TRIO: variants seen among roughly 807,000 people sequenced by gnomAD.
TRIO encodes the protein triple functional domain protein.
In TRIO, 58 loss-of-function variants were observed where a neutral mutation model predicts 351.9. That is an observed-to-expected ratio of 0.16 (90% CI 0.13 to 0.21). The LOEUF is 0.21. Ranked by LOEUF, TRIO falls within the 10% of genes least tolerant of loss-of-function variation. The pLI, the probability that TRIO is intolerant of heterozygous loss-of-function variation, is 1.00. For missense variants in TRIO, 3,201 were observed against 4,027.8 expected (o/e 0.79, Z 5.56); for synonymous variants, 1,758 against 1,595.7 (o/e 1.10, Z -2.42).
In TRIO at chr5:14,295,326, T is replaced by C. The variant is rs890742334; in HGVS notation, c.1177-1746T>C. 3.9e-5 allele frequency among the ~76,000 whole-genome samples: 6 copies of C among 152,228 alleles called. No homozygotes were observed. In the East Asian group the frequency reaches 5.8e-4, roughly 15 times the overall value. The stretch of plus-strand genomic sequence containing the variant: ...TGATAAGCCTGTAGGTGTAGGTACT[T>C]TTAATTTAGGGAATTGCACATTACC... On this transcript the variant is annotated intron_variant, in intron 6 of 56. Coordinates refer to ENST00000344204, the MANE Select transcript of TRIO (RefSeq NM_007118.4).
rs776833342 is a variant in TRIO at position 14,369,533 on chromosome 5, G to A, written c.3216+10G>A. ...GGAGGCATTCCTGAAGGTAGGGGCA[G>A]CGCTGCGGGACAGTGCACCCATCAG... On this transcript the variant is annotated intron_variant, in intron 18 of 56. Transcript: ENST00000344204. 2 of 1,612,082 alleles carry A rather than the reference G, an allele frequency of 1.2e-6. No homozygotes were observed. Among genetic ancestry groups the A allele is most frequent in the African/African-American group, 2.7e-5 (2 of 74,946 alleles).
intron 1 of TRIO, among the ~76,000 whole-genome samples, chr5:14,168,646 G>A (rs1229199335): frequency 6.6e-6 from 1 of 152,138 alleles, no homozygotes; most frequent in Non-Finnish European, 1.5e-5. Flanking sequence ...TCTGAGTTCC[G>A]CCCTTTTTAG....
chr5:14,483,767 C>T (rs1210922349), intron 46 of TRIO, among the ~76,000 whole-genome samples: 1 of 152,180 alleles, frequency 6.6e-6, no homozygotes, highest in African/African-American at 2.4e-5. Flanking sequence ...CCCGCCTGCC[C>T]CTCCAGACTC....
intron 11 of TRIO, among the ~76,000 whole-genome samples, 188 bp downstream of exon 11, chr5:14,336,915 T>A (rs1184195743): frequency 6.6e-6 from 1 of 152,142 alleles, no homozygotes; most frequent in Non-Finnish European, 1.5e-5. Context: ...TTTCCTTGTT[T>A]TGTGAGCGCA....
At chr5:14,479,118 G>A in intron 41 of TRIO, 143 bp from the exon 42 acceptor site, 1 of 691,796 alleles carries the variant, frequency 1.4e-6, no homozygotes, top group Non-Finnish European at 2.6e-6. Context: ...CCTGAATCTG[G>A]AATTTACTCC....
intron 11 of TRIO, among the ~76,000 whole-genome samples, chr5:14,355,220 A>G (rs1165147732): frequency 3.3e-5 from 5 of 152,214 alleles, no homozygotes; most frequent in African/African-American, 1.2e-4. Context: ...TTGATTAAAT[A>G]TTTTGACTCT....
intron 45 of TRIO, among the ~76,000 whole-genome samples, chr5:14,482,129 G>T (rs961170312): frequency 6.6e-6 from 1 of 152,130 alleles, no homozygotes; most frequent in Non-Finnish European, 1.5e-5. Context: ...AGTTAAGGAG[G>T]CAGGAGAAGT....
intron 34 of TRIO, among the ~76,000 whole-genome samples, chr5:14,425,226 C>T (rs919091102): frequency 7.9e-5 from 12 of 152,312 alleles, no homozygotes; most frequent in Middle Eastern, 3.4e-3. Flanking sequence ...CAAAACCCTC[C>T]GCTCTCTCCT....
intron 1 of TRIO, among the ~76,000 whole-genome samples, chr5:14,252,118 A>G (rs1794780809): frequency 6.6e-6 from 1 of 152,150 alleles, no homozygotes; most frequent in Admixed American, 6.5e-5. Flanking sequence ...ACTCCTGGCA[A>G]TTTTGTGCCT....
At chr5:14,214,370 G>A (rs189917410) in intron 1 of TRIO, among the ~76,000 whole-genome samples, 1 of 152,234 alleles carries the variant, frequency 6.6e-6, no homozygotes, top group East Asian at 1.9e-4. Context: ...GAGAACCGAG[G>A]CTGTTTGTCC....
In TRIO at chr5:14,497,891, T is replaced by C. The variant is rs80292429; in HGVS notation, c.8047+17T>C. 2,686 of 1,614,240 alleles carry C rather than the reference T, an allele frequency of 1.7e-3. 30 individuals are homozygous for C. The African/African-American group carries it at 0.031, about 18-fold the overall frequency. ...TTTATGACGGTGAGTTCTGTTCTTT[T>C]TCTTCTAGTCCTAGAGATGATTCTA... On this transcript the variant is annotated intron_variant, in intron 51 of 56. Coordinates refer to ENST00000344204, the MANE Select transcript of TRIO (RefSeq NM_007118.4). This position sits in a 1 kb window ranked among gnomAD's most constrained non-coding sequence, Gnocchi z 4.4.
intron 9 of TRIO, among the ~76,000 whole-genome samples, chr5:14,317,598 T>C (rs1739482364): frequency 1.3e-5 from 2 of 152,208 alleles, no homozygotes; most frequent in Admixed American, 1.3e-4. Context: ...GCTGGGAATT[T>C]GGAGAGTCGC....
In TRIO at chr5:14,184,776, C is replaced by T. The variant is rs140298777; in HGVS notation, c.157+40894C>T. Among the ~76,000 whole-genome samples the T allele has an allele frequency of 4.2e-4, 64 of 152,258 alleles. No homozygotes were observed. The East Asian group carries it at 0.01, about 25-fold the overall frequency. On this transcript the variant is annotated intron_variant, in intron 1 of 56. Coordinates refer to ENST00000344204, the MANE Select transcript of TRIO (RefSeq NM_007118.4). ...ATGAAGTTAGGTTAGTGGGTGTGAG[C>T]GTGGACGCCTCTTGGGTCCAGTGCG...
chr5:14,438,615 C>T lies in TRIO; in HGVS notation c.5203+18594C>T, dbSNP rs181021734. Among the ~76,000 whole-genome samples the T allele has an allele frequency of 4.6e-5, 7 of 152,338 alleles. No individual in the cohort carries two copies. The East Asian group carries it at 1.2e-3, about 25-fold the overall frequency. On this transcript the variant is annotated intron_variant, in intron 34 of 56. Transcript: ENST00000344204. ...ACCCCTGTGTCGTCTTCTCCTGAAC[C>T]GAGTCTGTTCAGATTCTCAGACCAG...
At chr5:14,394,370 C>G (rs1747378020) in intron 28 of TRIO, among the ~76,000 whole-genome samples, 1 of 152,170 alleles carries the variant, frequency 6.6e-6, no homozygotes. Flanking sequence ...AATGAGAAAT[C>G]ATCAGTTCTT....
chr5:14,258,959 T>C (rs1219516008), intron 1 of TRIO, among the ~76,000 whole-genome samples: 1 of 152,232 alleles, frequency 6.6e-6, no homozygotes, highest in Non-Finnish European at 1.5e-5. Context: ...TCTGAGCCTG[T>C]GCTGCCTTCG....
chr5:14,507,973 A>G lies in TRIO; in HGVS notation c.8845A>G (p.Ile2949Val). 2 of 1,614,190 alleles carry G rather than the reference A, an allele frequency of 1.2e-6. No individual in the cohort carries two copies. Among genetic ancestry groups the G allele is most frequent in the South Asian group, 1.1e-5 (1 of 91,074 alleles). The change falls in exon 57 of 57, where the codon ATC (isoleucine) becomes GTC (valine). Residue 2949 changes from isoleucine (I) to valine (V), a missense_variant. Coordinates refer to ENST00000344204, the MANE Select transcript of TRIO (RefSeq NM_007118.4). ...DAVQLNTTYY[I>V]HQLLGNPEFA... ...TGTTCAGCTCAACACGACCTACTAC[A>G]TCCACCAGTTACTGGGGAACCCTGA...
intron 31 of TRIO, among the ~76,000 whole-genome samples, chr5:14,401,377 C>T (rs1456651550): frequency 6.6e-6 from 1 of 152,142 alleles, no homozygotes; most frequent in Non-Finnish European, 1.5e-5. Context: ...AGTCAGGGTA[C>T]AGGAGGAATG....
At chr5:14,380,107 C>T (rs1745939519) in intron 20 of TRIO, among the ~76,000 whole-genome samples, 1 of 152,218 alleles carries the variant, frequency 6.6e-6, no homozygotes, top group African/African-American at 2.4e-5. Flanking sequence ...CATTTCTGGT[C>T]TCCGGATTCA....
Sources: gnomAD v4.1 joint callset for allele counts (sites outside exome capture counted in the v4.1 genomes callset) on GRCh38, gnomAD v4.1.1 for gene constraint, Gnocchi (gnomAD v3.1) non-coding constraint, MANE v1.5 for transcripts, NCBI Gene and HGNC (gene_info 2026-07-23, HGNC 2026-07-21) for gene names.